PDE8B: variants seen among roughly 807,000 people sequenced by gnomAD.
PDE8B encodes phosphodiesterase 8B, also known as high affinity cAMP-specific and IBMX-insensitive 3',5'-cyclic phosphodiesterase 8B.
Under a neutral mutation model 101.3 loss-of-function variants are expected in PDE8B, and 26 were observed. The ratio of observed to expected loss-of-function variants is 0.26; its 90% CI spans 0.19 to 0.36. The LOEUF is 0.36. Among genes scored for constraint, PDE8B ranks in the 10% least tolerant of loss-of-function variants. The pLI is 1.00. For missense variants in PDE8B, 810 were observed against 1,163.1 expected (o/e 0.70, Z 4.42); for synonymous variants, 424 against 429.3 (o/e 0.99, Z 0.15).
the PDE8B span, among the ~76,000 whole-genome samples, chr5:77,162,660 G>A: frequency 6.6e-6 from 1 of 152,184 alleles, no homozygotes; most frequent in African/African-American, 2.4e-5. Flanking sequence ...TTGGGTTAAT[G>A]AGAGTATTCT....
chr5:77,380,888 G>A (rs1362487619), intron 10 of PDE8B, among the ~76,000 whole-genome samples: 1 of 152,220 alleles, frequency 6.6e-6, no homozygotes, highest in African/African-American at 2.4e-5. Flanking sequence ...CTTGGAAATC[G>A]TGTTTGAGCT....
chr5:77,135,085 C>T, the PDE8B span, among the ~76,000 whole-genome samples: 1 of 152,202 alleles, frequency 6.6e-6, no homozygotes, highest in East Asian at 1.9e-4. Flanking sequence ...CTTGTGCCTA[C>T]CTGATGTGAG....
rs1363763983 is a variant in PDE8B at position 77,211,063 on chromosome 5, G to A, written c.138G>A (p.Gln46=). 9 of 1,518,482 alleles carry A rather than the reference G, an allele frequency of 5.9e-6. No individual in the cohort carries two copies. Among genetic ancestry groups the A allele is most frequent in the East Asian group, 2.7e-5 (1 of 37,182 alleles). 94.1% of individuals were successfully genotyped at this position (1,518,482 alleles called of 1,614,324 possible). A position where few individuals can be genotyped will look rare whatever the true frequency, so the allele number is the denominator to read the frequency against. The change falls in exon 1 of 22, where the codon CAG becomes CAA. Residue 46 remains glutamine, a synonymous_variant. Transcript: ENST00000264917. This position sits in a 1 kb window ranked among gnomAD's most constrained non-coding sequence, Gnocchi z 4.1. ...CACCCCTGCCCGGCCTCTTCGTCCA[G>A]ACCGACGCCGCCGACGCCATCCCCC... The part of the protein sequence containing the change: ...PAAPLPGLFV[Q]TDAADAIPPS...
intron 1 of PDE8B, among the ~76,000 whole-genome samples, chr5:77,245,998 G>A (rs1212480036): frequency 2.0e-5 from 3 of 151,652 alleles, no homozygotes; most frequent in Non-Finnish European, 2.9e-5. Flanking sequence ...CCACAGGTAC[G>A]CACTACCACG....
At chr5:77,254,604 AT>A (rs1318834602) in intron 1 of PDE8B, among the ~76,000 whole-genome samples, 1 of 150,900 alleles carries the variant, frequency 6.6e-6, no homozygotes, top group African/African-American at 2.4e-5. Flanking sequence ...TTTTTTTTTC[AT>A]TTTTTTCCTA....
the PDE8B span, among the ~76,000 whole-genome samples, chr5:77,120,079 A>G: frequency 2.2e-3 from 336 of 152,342 alleles, 1 homozygote; most frequent in Middle Eastern, 0.01. Context: ...ATGTTCATGC[A>G]ATGGAATATT....
chr5:77,380,683 A>C (rs1787280220), intron 10 of PDE8B, among the ~76,000 whole-genome samples: 1 of 152,268 alleles, frequency 6.6e-6, no homozygotes, highest in South Asian at 2.1e-4. Flanking sequence ...CTGTGTTAGC[A>C]CTGGGTATAC....
chr5:77,197,254 G>C, the PDE8B span, among the ~76,000 whole-genome samples: 9 of 151,028 alleles, frequency 6.0e-5, no homozygotes, highest in Admixed American at 2.6e-4. Flanking sequence ...TGGGATTACA[G>C]GCATCCACCA....
chr5:77,231,206 G>A (rs779194628), intron 1 of PDE8B, among the ~76,000 whole-genome samples: 12 of 152,110 alleles, frequency 7.9e-5, no homozygotes, highest in Admixed American at 3.9e-4. Context: ...TTTGGAATGC[G>A]TTTTTTACCT....
At chr5:77,213,326 A>T (rs1377850728) in intron 1 of PDE8B, among the ~76,000 whole-genome samples, 1 of 152,226 alleles carries the variant, frequency 6.6e-6, no homozygotes, top group Non-Finnish European at 1.5e-5. Flanking sequence ...ACTTAACACT[A>T]CTTTGCATTG....
chr5:77,169,653 G>A, the PDE8B span, among the ~76,000 whole-genome samples: 1 of 152,198 alleles, frequency 6.6e-6, no homozygotes. Flanking sequence ...GGAAGGCAGT[G>A]GATTGGCAGC....
the PDE8B span, among the ~76,000 whole-genome samples, chr5:77,092,188 A>G: frequency 2.0e-5 from 3 of 152,140 alleles, no homozygotes; most frequent in Non-Finnish European, 4.4e-5. Context: ...AGATAAAAGG[A>G]GCTTAGCTTT....
rs754924639 is a variant in PDE8B at position 77,211,052 on chromosome 5, C to T, written c.127C>T (p.Leu43Phe). 15 of 1,531,492 alleles carry T rather than the reference C, an allele frequency of 9.8e-6. No individual in the cohort carries two copies. Among genetic ancestry groups the T allele is most frequent in the East Asian group, 2.6e-5 (1 of 38,224 alleles). 94.9% of individuals were successfully genotyped at this position (1,531,492 alleles called of 1,614,324 possible). ...SQGPAAPLPG[L>F]FVQTDAADAI... ...GGGCCCGGCGGCACCCCTGCCCGGC[C>T]TCTTCGTCCAGACCGACGCCGCCGA... The change falls in exon 1 of 22, where the codon CTC (leucine) becomes TTC (phenylalanine). Residue 43 changes from leucine to phenylalanine, a missense_variant. Coordinates refer to ENST00000264917, the MANE Select transcript of PDE8B (RefSeq NM_003719.5). The surrounding 1 kb of genome is among the most constrained non-coding windows in gnomAD (Gnocchi z 4.1).
the PDE8B span, among the ~76,000 whole-genome samples, chr5:77,103,603 G>C: frequency 6.6e-6 from 1 of 152,212 alleles, no homozygotes; most frequent in Admixed American, 6.5e-5. Context: ...GAGGGGAACA[G>C]AACTCTGTGT....
At chr5:77,091,371 G>T in the PDE8B span, among the ~76,000 whole-genome samples, 1 of 152,220 alleles carries the variant, frequency 6.6e-6, no homozygotes, top group Non-Finnish European at 1.5e-5. Flanking sequence ...CAGGTGCAGT[G>T]GCTCACGCCT....
the PDE8B span, among the ~76,000 whole-genome samples, chr5:77,095,421 C>T: frequency 6.6e-6 from 1 of 152,168 alleles, no homozygotes; most frequent in Non-Finnish European, 1.5e-5. Context: ...TCTCCTGTTC[C>T]AATTCTTCAA....
chr5:77,322,095 G>T (rs531032569), intron 2 of PDE8B, among the ~76,000 whole-genome samples: 5 of 152,090 alleles, frequency 3.3e-5, no homozygotes, highest in Non-Finnish European at 7.4e-5. Flanking sequence ...TAGGCTAGTC[G>T]GATTAATTTC....
intron 1 of PDE8B, among the ~76,000 whole-genome samples, chr5:77,290,061 G>A (rs1766922792): frequency 6.6e-6 from 1 of 152,210 alleles, no homozygotes; most frequent in Non-Finnish European, 1.5e-5. Flanking sequence ...TGCCTGCTGT[G>A]CCAAGATACA....
intron 1 of PDE8B, among the ~76,000 whole-genome samples, chr5:77,296,970 C>G (rs1380069364): frequency 1.3e-5 from 2 of 152,170 alleles, no homozygotes; most frequent in African/African-American, 2.4e-5. Context: ...TGGTGTCACT[C>G]TCCCTGAGCT....
Sources: allele counts gnomAD v4.1 joint callset (sites outside exome capture counted in the v4.1 genomes callset), GRCh38; gene constraint gnomAD v4.1.1; non-coding constraint Gnocchi (gnomAD v3.1); transcripts MANE v1.5; gene names NCBI Gene and HGNC (gene_info 2026-07-23, HGNC 2026-07-21).